The following AP3B2 variants were observed in gnomAD, a reference collection of about 807,000 sequenced individuals.
AP3B2 encodes the protein adaptor related protein complex 3 subunit beta 2.
A neutral mutation model predicts 126.9 loss-of-function variants in AP3B2; 50 were observed. That is an observed-to-expected ratio of 0.39 (90% confidence interval 0.31 to 0.50). AP3B2 has a LOEUF of 0.50. AP3B2 is among the 20% of genes least tolerant of loss of function. The pLI, the probability that AP3B2 is intolerant of heterozygous loss-of-function variation, is 0.79. For missense variants in AP3B2, 1,177 were observed against 1,426.4 expected (o/e 0.83, Z 2.82); for synonymous variants, 541 against 565.0 (o/e 0.96, Z 0.60).
Position 82,681,041 on chromosome 15 carries a change from G to A in AP3B2, c.589-22C>T. 1 of 1,613,560 alleles carries A rather than the reference G, an allele frequency of 6.2e-7. No homozygotes were observed. The highest frequency in any genetic ancestry group is 1.1e-5 in the South Asian group (1 of 91,088). ...CCAGCTGGGGAAAGAACAAAGACGA[G>A]AGGGTGAACGCGAAGGGTGGAAGGC... is the stretch of plus-strand genomic sequence containing the variant. On this transcript the variant is annotated intron_variant, in intron 6 of 26. Transcript: ENST00000535359. This position sits in a 1 kb window ranked among gnomAD's most constrained non-coding sequence, Gnocchi z 4.0.
chr15:82,683,666 A>C (rs1294504607), intron 4 of AP3B2, among the ~76,000 whole-genome samples: 1 of 148,636 alleles, frequency 6.7e-6, no homozygotes, highest in Non-Finnish European at 1.5e-5. Context: ...CCTTTCCAGA[A>C]GGTTTCTATA....
chr15:82,709,296 C>T (rs1046652420), intron 1 of AP3B2, among the ~76,000 whole-genome samples: 1 of 152,184 alleles, frequency 6.6e-6, no homozygotes, highest in Non-Finnish European at 1.5e-5. Context: ...AACGCAACGC[C>T]GCAAACCGGA....
intron 14 of AP3B2, among the ~76,000 whole-genome samples, chr15:82,668,771 CAGGCTGTTCAAGA>C (rs2048099571): frequency 6.6e-6 from 1 of 151,898 alleles, no homozygotes; most frequent in Non-Finnish European, 1.5e-5. Context: ...GCAGGAATTA[CAGGCTGTTCAAGA>C]AGGCCTCTGA....
rs1386133272 is a variant in AP3B2, at chr15:82,664,860, T to C, written c.2112A>G (p.Ser704=). ...KPFYSDSEGE[S]GPTESADSDP... is the part of the protein sequence containing the mutation. Reference sequence around the variant, plus strand: ...CACTGTCTGCGGACTCCGTGGGGCCTGACTCCCCCTCAGAGTCCGAGTAGA... The same window carrying C: ...CACTGTCTGCGGACTCCGTGGGGCCCGACTCCCCCTCAGAGTCCGAGTAGA... The change falls in exon 18 of 27, where the codon TCA becomes TCG. Residue 704 remains serine, a synonymous_variant. Transcript: ENST00000535359. This position sits in a 1 kb window ranked among gnomAD's most constrained non-coding sequence, Gnocchi z 4.5. The C allele has an allele frequency of 1.3e-6, 2 of 1,599,312 alleles. No individual in the cohort carries two copies. Among genetic ancestry groups the C allele is most frequent in the Non-Finnish European group, 1.7e-6 (2 of 1,172,944 alleles).
chr15:82,698,456 CAT>C (rs1318911970), intron 1 of AP3B2, among the ~76,000 whole-genome samples: 3 of 151,770 alleles, frequency 2.0e-5, no homozygotes, highest in Non-Finnish European at 2.9e-5. Flanking sequence ...CCCACACCCT[CAT>C]AGAGACACAC....
chr15:82,679,849 C>T (rs1453606405), intron 9 of AP3B2, 49 bp from the exon 10 acceptor site: 1 of 1,549,790 alleles, frequency 6.5e-7, no homozygotes, highest in Non-Finnish European at 8.9e-7. Flanking sequence ...CCCAGGCCTG[C>T]CTCGCTGCCC....
intron 1 of AP3B2, among the ~76,000 whole-genome samples, chr15:82,700,397 C>CTTTTTTTTTTTTTTTTTTTT (rs1226910164): frequency 0.089 from 3,116 of 35,070 alleles, 1,283 homozygotes; most frequent in South Asian, 0.12. Context: ...TGGTGGGTGG[C>CTTTTTTTTTTTTTTTTTTTT]TTTTTTTTTT....
At chr15:82,660,575 C>T (rs948046353) in intron 25 of AP3B2, among the ~76,000 whole-genome samples, 1 of 152,098 alleles carries the variant, frequency 6.6e-6, no homozygotes, top group African/African-American at 2.4e-5. Context: ...AGGCTGACTT[C>T]TCTCCACTCA....
chr15:82,668,594 A>G (rs2048096907), intron 14 of AP3B2, among the ~76,000 whole-genome samples: 1 of 152,186 alleles, frequency 6.6e-6, no homozygotes, highest in Admixed American at 6.5e-5. Flanking sequence ...CCACAGCCTT[A>G]ACTGCATGTT....
chr15:82,660,946 C>T (rs1233133738), intron 25 of AP3B2, among the ~76,000 whole-genome samples: 2 of 152,168 alleles, frequency 1.3e-5, no homozygotes, highest in Non-Finnish European at 2.9e-5. Flanking sequence ...GCCTCTGTCC[C>T]TCCTTTAGCA....
intron 10 of AP3B2, among the ~76,000 whole-genome samples, chr15:82,678,860 C>A (rs1339768395): frequency 6.6e-6 from 1 of 152,210 alleles, no homozygotes; most frequent in African/African-American, 2.4e-5. Flanking sequence ...GTTTGCTCAT[C>A]ATGTACCCCT....
rs1483520856 is a variant in AP3B2 at position 82,664,338 on chromosome 15, A to G, written c.2261+29T>C. 6.2e-7 allele frequency: 1 copy of G among 1,613,370 alleles called. No homozygotes were observed. On this transcript the variant is annotated intron_variant, in intron 19 of 26. Transcript: ENST00000535359. The surrounding 1 kb of genome is among the most constrained non-coding windows in gnomAD (Gnocchi z 4.5). ...TTTCCAGGAAAGCCCCCTGAACCCC[A>G]CCAGCCATCTGGCTAGCTCCCTTCT...
At chr15:82,659,753 G>T in intron 26 of AP3B2, 43 bp from the exon 27 acceptor site, 2 of 1,610,934 alleles carry the variant, frequency 1.2e-6, no homozygotes, top group South Asian at 2.2e-5. Flanking sequence ...TGCTAAGGGT[G>T]ACTGTGTTTG....
In AP3B2 at chr15:82,681,720, C is replaced by T; in HGVS notation, c.361-140G>A. 3 of 927,852 alleles carry T rather than the reference C, an allele frequency of 3.2e-6. No homozygotes were observed. Among genetic ancestry groups the T allele is most frequent in the East Asian group, 2.6e-5 (1 of 38,024 alleles). 57.5% of individuals were successfully genotyped at this position (927,852 alleles called of 1,614,324 possible). ...GCTTGACTGGAGCCTGGATGGTGTG[C>T]CAGTGATGGGTATCTGGGGGACACT... On this transcript the variant is annotated intron_variant, in intron 4 of 26. Transcript: ENST00000535359. The surrounding 1 kb of genome is among the most constrained non-coding windows in gnomAD (Gnocchi z 4.0).
At chr15:82,696,650 A>G (rs1308008812) in intron 1 of AP3B2, among the ~76,000 whole-genome samples, 1 of 152,200 alleles carries the variant, frequency 6.6e-6, no homozygotes, top group African/African-American at 2.4e-5. Context: ...GGGCTGCTAC[A>G]AGCCCATTTT....
At chr15:82,661,690 C>T in intron 25 of AP3B2, 135 bp downstream of exon 25, 1 of 675,934 alleles carries the variant, frequency 1.5e-6, no homozygotes, top group Non-Finnish European at 2.6e-6. Flanking sequence ...AAACATTTAT[C>T]TTTGGCCCGT....
In AP3B2 at chr15:82,663,141, T is replaced by C. The variant is rs11539153; in HGVS notation, c.2590A>G (p.Thr864Ala). ...DLEGLTLTDS[T>A]LVPSLLSPVS... ...ATCCCACTCACCGACGGTACCAGGGTGGAGTCTGTGAGTGTCAGGCCCTCC... is the reference window on the plus strand; with the variant it reads ...ATCCCACTCACCGACGGTACCAGGGCGGAGTCTGTGAGTGTCAGGCCCTCC... The change falls in exon 22 of 27, where the codon ACC becomes GCC. Residue 864 changes from threonine (T) to alanine (A), a missense_variant. Around this residue, in one of 5 missense-constraint regions of AP3B2, gnomAD observed 587 missense variants for 571.3 expected, o/e 1.03. Coordinates refer to ENST00000535359, the MANE Select transcript of AP3B2 (RefSeq NM_001278512.2). 1.2e-6 allele frequency: 2 copies of C among 1,610,152 alleles called. No individual in the cohort carries two copies. Among genetic ancestry groups the C allele is most frequent in the Admixed American group, 3.3e-5 (2 of 59,816 alleles).
intron 14 of AP3B2, among the ~76,000 whole-genome samples, chr15:82,670,114 G>GGT (rs1567259982): frequency 1.1e-5 from 1 of 90,856 alleles, no homozygotes; most frequent in Non-Finnish European, 2.5e-5. Context: ...TTTTTTTTTG[G>GGT]CGGGGGGGGA....
intron 24 of AP3B2, 122 bp downstream of exon 24, chr15:82,662,046 T>C: frequency 1.5e-6 from 2 of 1,295,234 alleles, no homozygotes; most frequent in South Asian, 2.6e-5. Context: ...GGGCCTGAGA[T>C]GGCTTCCAGA....
Sources: allele counts gnomAD v4.1 joint callset (sites outside exome capture counted in the v4.1 genomes callset), GRCh38; gene constraint gnomAD v4.1.1; regional missense constraint gnomAD v4.1.1; non-coding constraint Gnocchi (gnomAD v3.1); transcripts MANE v1.5; gene names NCBI Gene and HGNC (gene_info 2026-07-23, HGNC 2026-07-21).